Variants in CUL3 observed in about 807,000 individuals in gnomAD.
CUL3 encodes the protein cullin 3, also known as cullin-3.
CUL3 carries 19 observed loss-of-function variants against 89.1 expected under a neutral mutation model. The ratio of observed to expected loss-of-function variants is 0.21; its 90% CI spans 0.15 to 0.31. The LOEUF is 0.31. Ranked by LOEUF, CUL3 falls within the 10% of genes least tolerant of loss-of-function variation. The pLI is 1.00. For synonymous variants in CUL3, 351 were observed against 308.4 expected (o/e 1.14, Z -1.45); for missense variants, 469 against 942.3 (o/e 0.50, Z 6.58).
chr2:224,506,250 A>G (rs2106204440), intron 7 of CUL3, 118 bp from the exon 8 acceptor site: 1 of 650,802 alleles, frequency 1.5e-6, no homozygotes, highest in East Asian at 3.0e-5. Flanking sequence ...ATTCATTTTT[A>G]AACTTACAGT....
intron 2 of CUL3, 104 bp downstream of exon 2, chr2:224,557,555 T>C: frequency 1.4e-6 from 1 of 731,022 alleles, no homozygotes; most frequent in South Asian, 2.3e-5. Flanking sequence ...TTCTATAGGC[T>C]TCTGGCACCT....
intron 2 of CUL3, among the ~76,000 whole-genome samples, chr2:224,553,241 C>T (rs1029896908): frequency 9.9e-5 from 15 of 152,086 alleles, no homozygotes; most frequent in African/African-American, 3.6e-4. Context: ...AAAACAAAAG[C>T]ACAGAAACTA....
chr2:224,526,478 C>T (rs769267047), intron 3 of CUL3, among the ~76,000 whole-genome samples: 5 of 147,154 alleles, frequency 3.4e-5, no homozygotes, highest in Admixed American at 1.4e-4. Context: ...CCCAGCTACT[C>T]GGGAGGCTGA....
At chr2:224,584,356 G>A (rs1453219078) in intron 1 of CUL3, among the ~76,000 whole-genome samples, 8 of 152,112 alleles carry the variant, frequency 5.3e-5, no homozygotes. Flanking sequence ...GAAGCTTGTA[G>A]GATGAAAGAC....
intron 3 of CUL3, among the ~76,000 whole-genome samples, chr2:224,530,014 A>G (rs766510636): frequency 3.9e-5 from 6 of 152,162 alleles, no homozygotes; most frequent in Non-Finnish European, 8.8e-5. Flanking sequence ...CAAGGCGGGC[A>G]GATCACGAGG....
At chr2:224,487,267 A>T (rs1267707789) in intron 13 of CUL3, among the ~76,000 whole-genome samples, 1 of 152,122 alleles carries the variant, frequency 6.6e-6, no homozygotes, top group Non-Finnish European at 1.5e-5. Context: ...ACACATAACA[A>T]TATTACCTTA....
At chr2:224,501,590 G>C (rs1692390866) in intron 10 of CUL3, among the ~76,000 whole-genome samples, 1 of 152,150 alleles carries the variant, frequency 6.6e-6, no homozygotes, top group South Asian at 2.1e-4. Context: ...TGAATATCAA[G>C]AAGCATTCTA....
intron 12 of CUL3, among the ~76,000 whole-genome samples, chr2:224,497,270 C>T (rs1692203513): frequency 1.3e-5 from 2 of 152,120 alleles, no homozygotes; most frequent in African/African-American, 4.8e-5. Flanking sequence ...AATGCGATTG[C>T]TTTTTAAAAA....
At chr2:224,515,292 TCAAA>T (rs771101345) in intron 3 of CUL3, among the ~76,000 whole-genome samples, 30 of 152,356 alleles carry the variant, frequency 2.0e-4, no homozygotes, top group East Asian at 5.8e-4. Flanking sequence ...TACTGTCACT[TCAAA>T]CAGATTATTA....
chr2:224,497,629 T>A, intron 12 of CUL3, 124 bp downstream of exon 12: 1 of 694,730 alleles, frequency 1.4e-6, no homozygotes, highest in Non-Finnish European at 2.4e-6. Context: ...TTTTTAACCT[T>A]TCTAACATGT....
chr2:224,528,322 A>C (rs1440394476), intron 3 of CUL3, among the ~76,000 whole-genome samples: 2 of 152,058 alleles, frequency 1.3e-5, no homozygotes, highest in African/African-American at 2.4e-5. Context: ...CCATCACTCC[A>C]GTCTGTTTCT....
Position 224,530,209 on chromosome 2 carries a change from A to T in CUL3, c.378+5319T>A, listed in dbSNP as rs543106398. On this transcript the variant is annotated intron_variant, in intron 3 of 15. Transcript: ENST00000264414. ...AGCCAAGATCGCGCCACTGCACTCC[A>T]GCCTGGGCAACAGAGTGAGACTCCG... Among the ~76,000 whole-genome samples the T allele has an allele frequency of 2.9e-4, 44 of 152,344 alleles. 1 individual carries two copies. Among genetic ancestry groups the T allele is most frequent in the Admixed American group, 3.9e-4 (6 of 15,300 alleles).
intron 3 of CUL3, among the ~76,000 whole-genome samples, chr2:224,519,974 A>G (rs1430953710): frequency 6.6e-6 from 1 of 152,202 alleles, no homozygotes; most frequent in Non-Finnish European, 1.5e-5. Context: ...AAATGTCTTA[A>G]TCCCAGGCTT....
chr2:224,471,644 CCTTTTT>C lies in CUL3; in HGVS notation c.*2595_*2600del, dbSNP rs67993962. 3.4e-4 allele frequency: 73 copies of C among 213,862 alleles called. No individual in the cohort carries two copies. Among genetic ancestry groups the C allele is most frequent in the Non-Finnish European group, 5.1e-4 (54 of 105,870 alleles). 13.2% of individuals were successfully genotyped at this position (213,862 alleles called of 1,614,324 possible). On this transcript the variant is annotated 3_prime_UTR_variant, in exon 16 of 16. Coordinates refer to ENST00000264414, the MANE Select transcript of CUL3 (RefSeq NM_003590.5). ...AAGGCATGCATCTCTTCCCCCATTC[CCTTTTT>C]AAGTTCACTGACATAAAGAATCCTT... is the stretch of plus-strand genomic sequence containing the variant.
At position 224,534,542 on chromosome 2, in the gene CUL3, T is replaced by C. The variant is rs182378259; in HGVS notation, c.378+986A>G. 2.3e-3 allele frequency among the ~76,000 whole-genome samples: 356 copies of C among 152,370 alleles called. 2 individuals are homozygous for C. The highest frequency in any genetic ancestry group is 3.0e-3 in the Non-Finnish European group (204 of 68,036). Reference sequence around the variant, plus strand: ...AATATTCAGCTTTTGTTTCTCATTGTCATTTAACAACTCTTAAGGAGATGT... The same window carrying C: ...AATATTCAGCTTTTGTTTCTCATTGCCATTTAACAACTCTTAAGGAGATGT... On this transcript the variant is annotated intron_variant, in intron 3 of 15. Transcript: ENST00000264414.
Position 224,541,251 on chromosome 2 carries a change from G to A in CUL3, c.265-5610C>T, listed in dbSNP as rs181161801. Among the ~76,000 whole-genome samples, 632 of 150,936 alleles carry A rather than the reference G, an allele frequency of 4.2e-3. 2 individuals are homozygous for A. The highest frequency in any genetic ancestry group is 6.8e-3 in the Non-Finnish European group (459 of 67,802). ...AAAAAAACTCTTAGAACTTAGCAAT[G>A]ACAGCAAATAATTTAAAAATGAGCA... On this transcript the variant is annotated intron_variant, in intron 2 of 15. Coordinates refer to ENST00000264414, the MANE Select transcript of CUL3 (RefSeq NM_003590.5).
In CUL3 at chr2:224,496,025, G is replaced by GT. The variant is rs930323471; in HGVS notation, c.1708-60dup. The stretch of plus-strand genomic sequence containing the variant: ...ACAATCATTTCCTGGTAACATTAAT[G>GT]TATGTATGTACGTACATATGTATGT... On this transcript the variant is annotated intron_variant, in intron 12 of 15. Coordinates refer to ENST00000264414, the MANE Select transcript of CUL3 (RefSeq NM_003590.5). 3.8e-6 allele frequency: 6 copies of GT among 1,560,598 alleles called. No individual in the cohort carries two copies. In the African/African-American group the frequency reaches 8.2e-5, roughly 21 times the overall value.
intron 13 of CUL3, chr2:224,495,206 C>A (rs1169383540): frequency 6.6e-6 from 1 of 151,864 alleles, no homozygotes; most frequent in African/African-American, 2.4e-5. Context: ...CTAAAGACTG[C>A]AGATGATGTA....
chr2:224,525,556 A>C (rs535924803), intron 3 of CUL3, among the ~76,000 whole-genome samples: 4 of 152,326 alleles, frequency 2.6e-5, no homozygotes, highest in African/African-American at 9.6e-5. Context: ...AAACACAATA[A>C]ATTTTTTTGT....
Sources: gnomAD v4.1 joint callset for allele counts (sites outside exome capture counted in the v4.1 genomes callset) on GRCh38, gnomAD v4.1.1 for gene constraint, MANE v1.5 for transcripts, NCBI Gene and HGNC (gene_info 2026-07-23, HGNC 2026-07-21) for gene names.